Variants in CDH8 observed in about 807,000 individuals in gnomAD.
The protein encoded by CDH8 is cadherin 8.
Under a neutral mutation model 68.1 loss-of-function variants are expected in CDH8, and 17 were observed. The observed-to-expected ratio is 0.25, with a 90% CI of 0.17 to 0.37. CDH8 has a LOEUF of 0.37. Among genes scored for constraint, CDH8 ranks in the 10% least tolerant of loss-of-function variants. CDH8 has a pLI of 1.00. For missense variants in CDH8, 763 were observed against 999.3 expected (o/e 0.76, Z 3.19); for synonymous variants, 372 against 365.1 (o/e 1.02, Z -0.21).
intron 8 of CDH8, among the ~76,000 whole-genome samples, chr16:61,735,890 T>G (rs956862883): frequency 6.6e-6 from 1 of 151,790 alleles, no homozygotes; most frequent in Non-Finnish European, 1.5e-5. Context: ...CTGGCCAACA[T>G]AGTAAAACCC....
At chr16:61,813,026 C>T (rs1368662369) in intron 7 of CDH8, among the ~76,000 whole-genome samples, 1 of 152,086 alleles carries the variant, frequency 6.6e-6, no homozygotes, top group African/African-American at 2.4e-5. Flanking sequence ...TTGTTTTCTC[C>T]TTTACCTTGC....
At chr16:61,795,359 A>C (rs901950115) in intron 7 of CDH8, among the ~76,000 whole-genome samples, 4 of 152,028 alleles carry the variant, frequency 2.6e-5, no homozygotes, top group Non-Finnish European at 5.9e-5. Context: ...GCACCACATA[A>C]AATAGAATAA....
Position 61,653,436 on chromosome 16 carries a change from C to A in CDH8, c.*172G>T. 1 of 1,412,640 alleles carries A rather than the reference C, an allele frequency of 7.1e-7. No individual in the cohort carries two copies. Among genetic ancestry groups the A allele is most frequent in the Non-Finnish European group, 9.2e-7 (1 of 1,084,990 alleles). The allele number at this position is 1,412,640 out of a possible 1,614,324, so 87.5% of individuals were successfully genotyped here. Reference sequence around the variant, plus strand: ...AAGATTTATAACCTCCTAACATATACTTTTTTATTTTATTATCTTTTTTTG... The same window carrying A: ...AAGATTTATAACCTCCTAACATATAATTTTTTATTTTATTATCTTTTTTTG... On this transcript the variant is annotated 3_prime_UTR_variant, in exon 12 of 12. Transcript: ENST00000577390.
chr16:62,004,327 A>G (rs1256605243), intron 2 of CDH8, among the ~76,000 whole-genome samples: 1 of 152,158 alleles, frequency 6.6e-6, no homozygotes, highest in Non-Finnish European at 1.5e-5. Context: ...TATGGGGGCT[A>G]TTGTGGCAGG....
In CDH8 at chr16:61,702,244, T is replaced by C. The variant is rs1018340089; in HGVS notation, c.1654+11597A>G. Among the ~76,000 whole-genome samples the C allele has an allele frequency of 1.5e-4, 23 of 151,802 alleles. No individual in the cohort carries two copies. The East Asian group carries it at 2.9e-3, about 19-fold the overall frequency. ...AAAATTAGCCGGGAGTGGCGGCGGG[T>C]GCCTGTAGTCCCAGCTACTTAGGAG... On this transcript the variant is annotated intron_variant, in intron 10 of 11. Coordinates refer to ENST00000577390, the MANE Select transcript of CDH8 (RefSeq NM_001796.5).
chr16:61,874,456 C>G (rs888371689), intron 3 of CDH8, among the ~76,000 whole-genome samples: 1 of 152,026 alleles, frequency 6.6e-6, no homozygotes, highest in Middle Eastern at 3.4e-3. Context: ...CTCAGCCTCC[C>G]GAGTAGCTGG....
intron 2 of CDH8, among the ~76,000 whole-genome samples, chr16:62,005,767 G>A (rs2150600147): frequency 6.6e-6 from 1 of 151,536 alleles, no homozygotes; most frequent in African/African-American, 2.4e-5. Context: ...ACATTGCCCA[G>A]GGAGGAAGTC....
chr16:62,028,571 C>T (rs1027615798), intron 1 of CDH8, among the ~76,000 whole-genome samples: 1 of 152,104 alleles, frequency 6.6e-6, no homozygotes, highest in Non-Finnish European at 1.5e-5. Context: ...AATGGGGTGA[C>T]TAAGCCAGTG....
intron 7 of CDH8, among the ~76,000 whole-genome samples, chr16:61,804,496 C>G (rs1346918786): frequency 1.3e-5 from 2 of 150,196 alleles, no homozygotes; most frequent in African/African-American, 4.9e-5. Context: ...AATAGAGACA[C>G]AAAAAACCCT....
chr16:61,859,359 A>C (rs928887822), intron 3 of CDH8, among the ~76,000 whole-genome samples: 38 of 152,322 alleles, frequency 2.5e-4, no homozygotes, highest in African/African-American at 7.5e-4. Context: ...AATACTCAGA[A>C]AGAGGGATGA....
At chr16:61,663,016 C>T (rs1963598985) in intron 10 of CDH8, among the ~76,000 whole-genome samples, 1 of 152,004 alleles carries the variant, frequency 6.6e-6, no homozygotes, top group South Asian at 2.1e-4. Context: ...TTGTTTATGA[C>T]TGACTTTTGT....
At chr16:61,862,374 AT>A (rs1348553320) in intron 3 of CDH8, among the ~76,000 whole-genome samples, 2 of 152,202 alleles carry the variant, frequency 1.3e-5, no homozygotes, top group Non-Finnish European at 2.9e-5. Flanking sequence ...AATGGATGGC[AT>A]TTTGAATGAA....
chr16:61,674,996 C>T (rs28854893), intron 10 of CDH8, among the ~76,000 whole-genome samples: 34,124 of 148,656 alleles, frequency 0.23, 4,194 homozygotes, highest in Middle Eastern at 0.31. Context: ...GTCTGATATA[C>T]GTGTAATCAG....
chr16:61,704,038 G>C (rs531891059), intron 10 of CDH8, among the ~76,000 whole-genome samples: 1 of 152,222 alleles, frequency 6.6e-6, no homozygotes, highest in South Asian at 2.1e-4. Context: ...AAGGTCTTAT[G>C]ATCATACGGC....
In CDH8 at chr16:61,648,096, A is replaced by G. The variant is rs1963243431; in HGVS notation, c.*5512T>C. On this transcript the variant is annotated 3_prime_UTR_variant, in exon 12 of 12. Transcript: ENST00000577390. ...ATAAAGGAAGGAGGAGAATACATACAAAAACACTTACAACATTACAACTCA... is the reference window on the plus strand; with the variant it reads ...ATAAAGGAAGGAGGAGAATACATACGAAAACACTTACAACATTACAACTCA... 2.2e-6 allele frequency: 1 copy of G among 455,992 alleles called. No homozygotes were observed. The highest frequency in any genetic ancestry group is 3.9e-6 in the Non-Finnish European group (1 of 255,706). The allele number at this position is 455,992 out of a possible 1,614,324, so 28.2% of individuals were successfully genotyped here.
intron 2 of CDH8, among the ~76,000 whole-genome samples, chr16:61,959,984 G>GTCTATA (rs1385952323): frequency 2.2e-5 from 1 of 44,556 alleles, no homozygotes; most frequent in Non-Finnish European, 4.0e-5. Context: ...GTGTGTGTGT[G>GTCTATA]TATATATATA....
intron 10 of CDH8, among the ~76,000 whole-genome samples, chr16:61,657,600 G>A (rs1198917280): frequency 6.6e-6 from 1 of 152,044 alleles, no homozygotes; most frequent in African/African-American, 2.4e-5. Context: ...ATATATAGTT[G>A]TGTTATATTT....
intron 2 of CDH8, among the ~76,000 whole-genome samples, chr16:62,017,920 G>A (rs1481899484): frequency 6.6e-6 from 1 of 151,910 alleles, no homozygotes; most frequent in African/African-American, 2.4e-5. Flanking sequence ...ACCTGTGAAG[G>A]GGCTCCCAGA....
chr16:61,817,187 T>C (rs894572162), intron 7 of CDH8, among the ~76,000 whole-genome samples: 1 of 152,098 alleles, frequency 6.6e-6, no homozygotes, highest in African/African-American at 2.4e-5. Flanking sequence ...CCAAATGTAT[T>C]GCAAACATTT....
Sources: allele counts gnomAD v4.1 joint callset (sites outside exome capture counted in the v4.1 genomes callset), GRCh38; gene constraint gnomAD v4.1.1; transcripts MANE v1.5; gene names NCBI Gene and HGNC (gene_info 2026-07-23, HGNC 2026-07-21).